The following IQSEC1 variants were observed in gnomAD, a reference collection of about 807,000 sequenced individuals.
IQSEC1 encodes IQ motif and SEC7 domain-containing protein 1.
In IQSEC1, 31 loss-of-function variants were observed where a neutral mutation model predicts 91.0. The observed-to-expected ratio is 0.34, with a 90% CI of 0.26 to 0.46. The LOEUF (loss-of-function observed/expected upper bound fraction) is 0.46. Ranked by LOEUF, IQSEC1 falls within the 20% of genes least tolerant of loss-of-function variation. The pLI is 1.00. For missense variants in IQSEC1, 1,388 were observed against 1,575.6 expected (o/e 0.88, Z 2.02); for synonymous variants, 699 against 662.6 (o/e 1.05, Z -0.84).
At position 12,976,755 on chromosome 3, in the gene IQSEC1, G is replaced by A. The variant is rs527585180; in HGVS notation, c.24-34890C>T. Among the ~76,000 whole-genome samples the A allele has an allele frequency of 2.1e-4, 32 of 152,184 alleles. 1 individual carries two copies. Among genetic ancestry groups the A allele is most frequent in the African/African-American group, 6.5e-4 (27 of 41,514 alleles). ...TTCATTTGCCACTGTATCCCCTGCC[G>A]TCTATAGCAGGTGCTCAATAAATGT... On this transcript the variant is annotated intron_variant, in intron 1 of 13. Coordinates refer to ENST00000613206, the MANE Select transcript of IQSEC1 (RefSeq NM_001134382.3).
At chr3:13,067,171 T>C (rs547919193) in intron 1 of IQSEC1, among the ~76,000 whole-genome samples, 107 of 152,224 alleles carry the variant, frequency 7.0e-4, no homozygotes, top group African/African-American at 2.4e-3. Flanking sequence ...GGGCAGGATA[T>C]TTTCATCCAC....
chr3:13,078,895 T>C (rs62232925), intron 2 of IQSEC1, among the ~76,000 whole-genome samples: 7,859 of 152,334 alleles, frequency 0.052, 288 homozygotes, highest in African/African-American at 0.1. Flanking sequence ...TGTGTTCATA[T>C]TGGCCTAATA....
intron 1 of IQSEC1, among the ~76,000 whole-genome samples, chr3:13,238,046 A>G (rs896284830): frequency 6.6e-6 from 1 of 152,188 alleles, no homozygotes; most frequent in Non-Finnish European, 1.5e-5. Flanking sequence ...CTGAGCATCC[A>G]CGTGCAGATG....
chr3:13,057,562 C>T (rs761724577), intron 1 of IQSEC1, among the ~76,000 whole-genome samples: 32 of 152,344 alleles, frequency 2.1e-4, no homozygotes, highest in Non-Finnish European at 3.7e-4. Flanking sequence ...CAGTGAGTGG[C>T]GGGGAACACC....
At chr3:13,004,954 G>A (rs1245067609) in intron 1 of IQSEC1, among the ~76,000 whole-genome samples, 1 of 152,136 alleles carries the variant, frequency 6.6e-6, no homozygotes, top group East Asian at 1.9e-4. Flanking sequence ...TTATTTTAGG[G>A]GATCTCTCAT....
intron 2 of IQSEC1, among the ~76,000 whole-genome samples, chr3:13,085,711 C>T (rs926768519): frequency 2.0e-5 from 3 of 152,234 alleles, no homozygotes; most frequent in Admixed American, 6.5e-5. Flanking sequence ...TTCAGGCCCA[C>T]GTGCTGTTAC....
At position 12,983,414 on chromosome 3, in the gene IQSEC1, G is replaced by C. The variant is rs1701565572; in HGVS notation, c.24-41549C>G. On this transcript the variant is annotated intron_variant, in intron 1 of 13. Transcript: ENST00000613206. The surrounding 1 kb of genome is among the most constrained non-coding windows in gnomAD (Gnocchi z 4.3). ...GCAGGAGGAAGCATGGCTCACTCCT[G>C]GCCTGACCAAAGCAATCCCCAGCCC... Among the ~76,000 whole-genome samples the C allele has an allele frequency of 6.6e-6, 1 of 152,134 alleles. No homozygotes were observed. Among genetic ancestry groups the C allele is most frequent in the African/African-American group, 2.4e-5 (1 of 41,414 alleles).
chr3:13,092,630 T>C (rs1037785845), intron 2 of IQSEC1, among the ~76,000 whole-genome samples: 4 of 152,146 alleles, frequency 2.6e-5, no homozygotes, highest in African/African-American at 9.7e-5. Context: ...AGCTAAATAA[T>C]GGGAGAAGTC....
chr3:13,139,857 CCG>C (rs1411021549), intron 2 of IQSEC1, among the ~76,000 whole-genome samples: 1 of 152,162 alleles, frequency 6.6e-6, no homozygotes, highest in African/African-American at 2.4e-5. Context: ...CCATGAACAC[CCG>C]CGGTATGGCA....
intron 1 of IQSEC1, chr3:13,047,372 G>C (rs1167124284): frequency 2.0e-6 from 1 of 490,146 alleles, no homozygotes; most frequent in Non-Finnish European, 2.6e-6. Context: ...AAATGGTGGA[G>C]CTAATTTCCC....
intron 1 of IQSEC1, among the ~76,000 whole-genome samples, chr3:13,260,119 A>G (rs900267543): frequency 2.6e-5 from 4 of 152,204 alleles, no homozygotes. Flanking sequence ...AGGGGGAAGG[A>G]GGATGAGAAA....
intron 2 of IQSEC1, among the ~76,000 whole-genome samples, chr3:13,161,414 C>T (rs532136805): frequency 2.7e-4 from 41 of 152,284 alleles, no homozygotes; most frequent in Admixed American, 2.1e-3. Flanking sequence ...GGTTTGGGGA[C>T]GCAGACCCCG....
intron 3 of IQSEC1, among the ~76,000 whole-genome samples, chr3:12,929,817 T>C (rs1270503609): frequency 6.6e-6 from 1 of 152,206 alleles, no homozygotes; most frequent in Non-Finnish European, 1.5e-5. Flanking sequence ...CCCCCTAAAA[T>C]GCCCCAGCAG....
At chr3:12,949,360 C>T (rs1003385840) in intron 1 of IQSEC1, among the ~76,000 whole-genome samples, 1 of 152,230 alleles carries the variant, frequency 6.6e-6, no homozygotes, top group African/African-American at 2.4e-5. Flanking sequence ...CAGAGGGGGC[C>T]GGGCCCCATG....
At chr3:12,954,850 G>A (rs1033570862) in intron 1 of IQSEC1, among the ~76,000 whole-genome samples, 11 of 152,346 alleles carry the variant, frequency 7.2e-5, no homozygotes, top group African/African-American at 2.6e-4. Context: ...AAGGGGTCAG[G>A]ACAGGATGCC....
chr3:13,143,708 G>C (rs1434196795), intron 2 of IQSEC1, among the ~76,000 whole-genome samples: 1 of 152,190 alleles, frequency 6.6e-6, no homozygotes, highest in Non-Finnish European at 1.5e-5. Flanking sequence ...TGGGTGGCTG[G>C]GGCTGTGGGT....
intron 2 of IQSEC1, among the ~76,000 whole-genome samples, chr3:13,084,304 G>T (rs1395936665): frequency 2.0e-5 from 3 of 148,640 alleles, no homozygotes; most frequent in East Asian, 4.0e-4. Flanking sequence ...GGAGTCTGGG[G>T]CCCCCAAAGC....
intron 1 of IQSEC1, among the ~76,000 whole-genome samples, chr3:13,235,533 G>C (rs1694913180): frequency 6.6e-6 from 1 of 152,264 alleles, no homozygotes; most frequent in Middle Eastern, 3.4e-3. Flanking sequence ...TCAGCAGGAG[G>C]GGGAAATTGC....
intron 2 of IQSEC1, among the ~76,000 whole-genome samples, chr3:13,090,371 C>T (rs56116154): frequency 0.33 from 50,778 of 152,058 alleles, 8,723 homozygotes; most frequent in Middle Eastern, 0.55. Context: ...GGAATACCAC[C>T]GGTATTTAAT....
Sources: gnomAD v4.1 joint callset for allele counts (sites outside exome capture counted in the v4.1 genomes callset) on GRCh38, gnomAD v4.1.1 for gene constraint, Gnocchi (gnomAD v3.1) non-coding constraint, MANE v1.5 for transcripts, NCBI Gene and HGNC (gene_info 2026-07-23, HGNC 2026-07-21) for gene names.